The following SCN11A variants were observed in gnomAD, a reference collection of about 807,000 sequenced individuals.
SCN11A encodes the protein sodium channel protein type 11 subunit alpha.
SCN11A carries 122 observed loss-of-function variants against 162.2 expected under a neutral mutation model. The observed-to-expected ratio is 0.75, with a 90% CI of 0.65 to 0.87. SCN11A has a LOEUF of 0.87. Among genes scored for constraint, SCN11A ranks in the 40% least tolerant of loss-of-function variants. SCN11A has a pLI of 0.00. For missense variants in SCN11A, 2,015 were observed against 2,181.6 expected, an observed-to-expected ratio of 0.92 and a Z score of 1.52; for synonymous variants, 758 against 751.5, an observed-to-expected ratio of 1.01 and a Z score of -0.14.
intron 2 of SCN11A, among the ~76,000 whole-genome samples, chr3:38,976,752 T>TC: frequency 6.6e-6 from 1 of 152,044 alleles, no homozygotes; most frequent in Non-Finnish European, 1.5e-5. Flanking sequence ...CCTTAACCCT[T>TC]CCCCTCTCTC....
chr3:38,963,352 GATATATATATATATAT>G lies in SCN11A; in HGVS notation c.-279-2945_-279-2930del, dbSNP rs377651422. Among the ~76,000 whole-genome samples, 68 of 38,280 alleles carry G rather than the reference GATATATATATATATAT, an allele frequency of 1.8e-3. 2 individuals carry two copies. The South Asian group carries it at 0.021, about 12-fold the overall frequency. The allele number at this position is 38,280 out of a possible 152,430, so 25.1% of individuals were successfully genotyped here. ...ATAAAGAAACTATATCTATTTGATGGATATATATATATATATATATATATATATATATATGATGGAG... is the reference window on the plus strand; with the variant it reads ...ATAAAGAAACTATATCTATTTGATGGATATATATATATATATATGATGGAG... On this transcript the variant is annotated intron_variant, in intron 2 of 29. Coordinates refer to ENST00000302328, the MANE Select transcript of SCN11A (RefSeq NM_001349253.2).
In SCN11A at chr3:38,886,176, A is replaced by C; in HGVS notation, c.2898T>G (p.Ile966Met). 1 of 1,613,034 alleles carries C rather than the reference A, an allele frequency of 6.2e-7. No individual in the cohort carries two copies. Among genetic ancestry groups the C allele is most frequent in the Non-Finnish European group, 8.5e-7 (1 of 1,179,856 alleles). Reference protein sequence around the residue: ...PTSQRVQSVEIDMFSEDEPHL... With the variant: ...PTSQRVQSVEMDMFSEDEPHL... Reference sequence around the variant, plus strand: ...GAGGCTCATCTTCAGAGAACATGTCAATTTCCACACTTTGAACTCTCTGGC... The same window carrying C: ...GAGGCTCATCTTCAGAGAACATGTCCATTTCCACACTTTGAACTCTCTGGC... The change falls in exon 20 of 30, where the codon ATT becomes ATG. Residue 966 changes from isoleucine (I) to methionine (M), a missense_variant. Coordinates refer to ENST00000302328, the MANE Select transcript of SCN11A (RefSeq NM_001349253.2).
chr3:39,050,185 T>C (rs1030087263), intron 1 of SCN11A, among the ~76,000 whole-genome samples: 9 of 152,210 alleles, frequency 5.9e-5, no homozygotes, highest in Non-Finnish European at 1.2e-4. Context: ...TTCTCTGTAC[T>C]CTAAGCCTTG....
intron 19 of SCN11A, among the ~76,000 whole-genome samples, chr3:38,892,871 T>A (rs1254675492): frequency 6.6e-6 from 1 of 152,066 alleles, no homozygotes; most frequent in African/African-American, 2.4e-5. Context: ...TCAAAAAGAT[T>A]TTGAAAAAAC....
At chr3:38,951,343 C>T (rs2066612301) in intron 4 of SCN11A, among the ~76,000 whole-genome samples, 1 of 152,270 alleles carries the variant, frequency 6.6e-6, no homozygotes, top group Non-Finnish European at 1.5e-5. Flanking sequence ...AGTCGGCCCA[C>T]TGGCGCTGCA....
intron 2 of SCN11A, among the ~76,000 whole-genome samples, chr3:38,987,606 C>A (rs1044003069): frequency 6.8e-6 from 1 of 147,880 alleles, no homozygotes; most frequent in Non-Finnish European, 1.5e-5. Context: ...GCCCATGTGA[C>A]CTGAAGGGGT....
chr3:39,016,263 G>A (rs1252971578), intron 2 of SCN11A, among the ~76,000 whole-genome samples: 2 of 152,224 alleles, frequency 1.3e-5, no homozygotes, highest in African/African-American at 2.4e-5. Context: ...GGCTGCCAGG[G>A]TAGGGAAGGC....
intron 2 of SCN11A, among the ~76,000 whole-genome samples, chr3:38,974,627 G>A (rs557660771): frequency 1.3e-5 from 2 of 148,474 alleles, no homozygotes; most frequent in African/African-American, 2.5e-5. Context: ...CCTGGGAGGC[G>A]GAGGTTGCAG....
At chr3:38,926,560 T>C (rs886362786) in intron 8 of SCN11A, among the ~76,000 whole-genome samples, 5 of 151,972 alleles carry the variant, frequency 3.3e-5, no homozygotes, top group Non-Finnish European at 5.9e-5. Context: ...CAGGCCAGTG[T>C]TGGTGAGTAA....
At chr3:38,899,206 T>TATAACTTTCCTGGGCTCTGTCA (rs1191799912) in intron 17 of SCN11A, among the ~76,000 whole-genome samples, 3 of 152,210 alleles carry the variant, frequency 2.0e-5, no homozygotes, top group African/African-American at 7.2e-5. Flanking sequence ...GTCCTCTGTC[T>TATAACTTTCCTGGGCTCTGTCA]ATACCTTTCC....
Position 38,946,089 on chromosome 3 carries a change from A to G in SCN11A, c.387-577T>C, listed in dbSNP as rs967549390. On this transcript the variant is annotated intron_variant, in intron 6 of 29. Transcript: ENST00000302328. ...CCCCCAACCCTGGCATACAGCAGAA[A>G]TGCTTAATAATTCCTACCTGCCTTT... Among the ~76,000 whole-genome samples, 3 of 152,194 alleles carry G rather than the reference A, an allele frequency of 2.0e-5. No homozygotes were observed. The East Asian group carries it at 5.8e-4, about 29-fold the overall frequency.
chr3:38,900,045 A>G lies in SCN11A; in HGVS notation c.1871T>C (p.Met624Thr), dbSNP rs1362709754. The G allele has an allele frequency of 1.2e-6, 2 of 1,614,090 alleles. No individual in the cohort carries two copies. Among genetic ancestry groups the G allele is most frequent in the Non-Finnish European group, 8.5e-7 (1 of 1,179,966 alleles). ...LVFTSIFIAE[M>T]CLKIIALDPY... ...ATCGAGCGCAATGATTTTTAGGCAC[A>G]TTTCTGCTATAAAAATGCTAGTGAA... Residue 624 changes from methionine to threonine, a missense_variant, in exon 17 of 30, where the codon ATG becomes ACG. By Grantham distance (81) the Met-to-Thr change is moderately conservative (BLOSUM62 -1). Transcript: ENST00000302328.
chr3:38,857,521 C>A (rs543350905), intron 28 of SCN11A, among the ~76,000 whole-genome samples: 2 of 151,866 alleles, frequency 1.3e-5, no homozygotes, highest in Non-Finnish European at 1.5e-5. Flanking sequence ...ATGGCTAAAC[C>A]TAAGAATAAT....
chr3:38,850,783 G>T, intron 28 of SCN11A, 32 bp from the exon 29 acceptor site: 1 of 1,515,384 alleles, frequency 6.6e-7, no homozygotes. Context: ...AAATCATTTT[G>T]AATGCAAGAA....
intron 2 of SCN11A, among the ~76,000 whole-genome samples, chr3:39,007,554 G>A (rs6772297): frequency 0.15 from 22,768 of 152,082 alleles, 3,369 homozygotes; most frequent in African/African-American, 0.39. Context: ...ATTCACCAAT[G>A]GCAATAATTT....
chr3:39,024,131 A>T (rs78174244), intron 2 of SCN11A, among the ~76,000 whole-genome samples: 2,131 of 152,360 alleles, frequency 0.014, 18 homozygotes, highest in Non-Finnish European at 0.018. Context: ...AGAACATAAC[A>T]GATTCATTTA....
At chr3:39,049,377 A>AGC (rs1202917803) in intron 1 of SCN11A, among the ~76,000 whole-genome samples, 2 of 152,290 alleles carry the variant, frequency 1.3e-5, no homozygotes, top group African/African-American at 4.8e-5. Flanking sequence ...ATATAGTGTT[A>AGC]GAGAAAATGA....
chr3:38,850,350 C>T (rs2064754640), intron 29 of SCN11A, 131 bp downstream of exon 29: 1 of 785,026 alleles, frequency 1.3e-6, no homozygotes, highest in South Asian at 1.8e-5. Flanking sequence ...GTACCCCTGT[C>T]TATTCTTTCA....
intron 1 of SCN11A, among the ~76,000 whole-genome samples, chr3:39,044,424 CA>C (rs2032137057): frequency 6.6e-6 from 1 of 152,120 alleles, no homozygotes; most frequent in Non-Finnish European, 1.5e-5. Context: ...TGTTAGCCCT[CA>C]AAACAAGTCT....
Sources: gnomAD v4.1 joint callset for allele counts (sites outside exome capture counted in the v4.1 genomes callset) on GRCh38, gnomAD v4.1.1 for gene constraint, MANE v1.5 for transcripts, NCBI Gene and HGNC (gene_info 2026-07-23, HGNC 2026-07-21) for gene names.